The following CA10 variants were observed in gnomAD, a reference collection of about 807,000 sequenced individuals.
CA10 encodes carbonic anhydrase-related protein 10.
In CA10, 14 loss-of-function variants were observed where a neutral mutation model predicts 44.2. The ratio of observed to expected loss-of-function variants is 0.32; its 90% CI spans 0.21 to 0.50. The LOEUF is 0.50. Ranked by LOEUF, CA10 falls within the 20% of genes least tolerant of loss-of-function variation. CA10 has a pLI of 0.99. For synonymous variants in CA10, 159 were observed against 141.6 expected (o/e 1.12, Z -0.87); for missense variants, 350 against 409.7 (o/e 0.85, Z 1.26).
chr17:51,880,932 A>G (rs1437530464), intron 3 of CA10, among the ~76,000 whole-genome samples: 1 of 135,158 alleles, frequency 7.4e-6, no homozygotes, highest in East Asian at 2.2e-4. Context: ...TAATATATTG[A>G]GTAATTAGAA....
At chr17:51,787,449 C>T (rs781550314) in intron 3 of CA10, among the ~76,000 whole-genome samples, 9 of 151,800 alleles carry the variant, frequency 5.9e-5, no homozygotes, top group Non-Finnish European at 1.3e-4. Flanking sequence ...TAGTAATAAT[C>T]CTTTGAATTT....
chr17:52,019,744 A>G (rs1986076860), intron 2 of CA10, among the ~76,000 whole-genome samples: 1 of 152,080 alleles, frequency 6.6e-6, no homozygotes, highest in South Asian at 2.1e-4. Flanking sequence ...AAGTAGGCAT[A>G]TGCAAGAAAT....
At chr17:52,082,910 A>G (rs969752936) in intron 1 of CA10, among the ~76,000 whole-genome samples, 2 of 152,104 alleles carry the variant, frequency 1.3e-5, no homozygotes, top group Non-Finnish European at 2.9e-5. Flanking sequence ...TCAGGTATAG[A>G]TTTATTCTCT....
intron 4 of CA10, among the ~76,000 whole-genome samples, chr17:51,687,039 C>T (rs1262508726): frequency 6.6e-6 from 1 of 152,136 alleles, no homozygotes; most frequent in Non-Finnish European, 1.5e-5. Flanking sequence ...CATGTCACAC[C>T]CCTATTTAAA....
chr17:52,039,522 C>A, intron 2 of CA10, among the ~76,000 whole-genome samples: 1 of 152,064 alleles, frequency 6.6e-6, no homozygotes, highest in Non-Finnish European at 1.5e-5. Flanking sequence ...ATCATCTCTG[C>A]TACCCATATA....
intron 1 of CA10, among the ~76,000 whole-genome samples, chr17:52,138,452 T>C (rs1196389750): frequency 6.6e-6 from 1 of 152,208 alleles, no homozygotes; most frequent in Non-Finnish European, 1.5e-5. Context: ...GCCAACTCAC[T>C]ATATTTGGAG....
In CA10 at chr17:52,158,156, C is replaced by T. The variant is rs1356305379; in HGVS notation, c.-370G>A. 8.2e-6 allele frequency: 3 copies of T among 366,598 alleles called. No individual in the cohort carries two copies. The highest frequency in any genetic ancestry group is 1.4e-4 in the East Asian group (2 of 14,548). The allele number at this position is 366,598 out of a possible 1,614,324, so 22.7% of individuals were successfully genotyped here. On this transcript the variant is annotated 5_prime_UTR_variant, in exon 1 of 9. Transcript: ENST00000451037. ...CACCTGAAGCCACCAACACTGGGCT[C>T]TTCCAGCAAAAACGAGACCCCGATT...
At chr17:51,760,803 C>T (rs1028462805) in intron 3 of CA10, among the ~76,000 whole-genome samples, 1 of 151,946 alleles carries the variant, frequency 6.6e-6, no homozygotes, top group African/African-American at 2.4e-5. Flanking sequence ...TTCTAGTAGC[C>T]ACATTAATGA....
chr17:51,788,402 G>A (rs576825469), intron 3 of CA10, among the ~76,000 whole-genome samples: 1 of 152,224 alleles, frequency 6.6e-6, no homozygotes, highest in Admixed American at 6.5e-5. Context: ...CAAGTGCTGA[G>A]GAAACAAATG....
intron 2 of CA10, among the ~76,000 whole-genome samples, chr17:51,993,237 A>G (rs1306100380): frequency 1.3e-5 from 2 of 152,108 alleles, no homozygotes; most frequent in African/African-American, 4.8e-5. Flanking sequence ...GTTGTCGTTA[A>G]TACTGATGAG....
intron 1 of CA10, among the ~76,000 whole-genome samples, chr17:52,098,474 T>G (rs1420021000): frequency 1.3e-5 from 2 of 152,178 alleles, no homozygotes; most frequent in Non-Finnish European, 2.9e-5. Context: ...AACATAATTC[T>G]GACCCAACAA....
At chr17:51,763,560 T>C (rs772755065) in intron 3 of CA10, among the ~76,000 whole-genome samples, 4 of 152,198 alleles carry the variant, frequency 2.6e-5, no homozygotes, top group Non-Finnish European at 5.9e-5. Flanking sequence ...ATCTGACCCA[T>C]TTTAACACCC....
chr17:51,694,057 A>T (rs112778579), intron 4 of CA10, among the ~76,000 whole-genome samples: 1,732 of 152,236 alleles, frequency 0.011, 13 homozygotes, highest in Admixed American at 0.012. Context: ...ATACAAAATT[A>T]GCTAGGCGTG....
chr17:52,126,688 T>C (rs1296605802), intron 1 of CA10, among the ~76,000 whole-genome samples: 4 of 152,348 alleles, frequency 2.6e-5, no homozygotes, highest in East Asian at 1.9e-4. Context: ...TATATTTCTA[T>C]GTAGCTCGTT....
intron 4 of CA10, among the ~76,000 whole-genome samples, chr17:51,731,678 T>G (rs1007515422): frequency 7.3e-6 from 1 of 136,214 alleles, no homozygotes; most frequent in Non-Finnish European, 1.6e-5. Context: ...AAAAAAGATT[T>G]ATTTATTTAT....
chr17:51,822,983 T>C (rs1907871288), intron 3 of CA10, among the ~76,000 whole-genome samples: 1 of 152,334 alleles, frequency 6.6e-6, no homozygotes, highest in Admixed American at 6.5e-5. Context: ...CACCCACTTT[T>C]GCTGCTTAAT....
chr17:52,069,759 T>C (rs940197650), intron 2 of CA10, among the ~76,000 whole-genome samples: 4 of 152,228 alleles, frequency 2.6e-5, no homozygotes, highest in African/African-American at 9.7e-5. Flanking sequence ...ACCATTGTTA[T>C]AGAGCTCATA....
intron 2 of CA10, among the ~76,000 whole-genome samples, chr17:52,012,035 C>A (rs764050254): frequency 2.6e-5 from 4 of 151,934 alleles, no homozygotes; most frequent in Admixed American, 6.6e-5. Flanking sequence ...AGGAGACCTT[C>A]CACCTGGGAC....
intron 2 of CA10, among the ~76,000 whole-genome samples, chr17:52,022,398 C>T (rs1986169807): frequency 6.6e-6 from 1 of 151,974 alleles, no homozygotes; most frequent in Non-Finnish European, 1.5e-5. Flanking sequence ...CAGTAAAATC[C>T]AACATCCCTT....
Sources: allele counts gnomAD v4.1 joint callset (sites outside exome capture counted in the v4.1 genomes callset), GRCh38; gene constraint gnomAD v4.1.1; transcripts MANE v1.5; gene names NCBI Gene and HGNC (gene_info 2026-07-23, HGNC 2026-07-21).